Variants in MACROD2 observed in about 807,000 individuals in gnomAD.
The protein encoded by MACROD2 is mono-ADP ribosylhydrolase 2.
Under a neutral mutation model 70.4 loss-of-function variants are expected in MACROD2, and 36 were observed. That is an observed-to-expected ratio of 0.51 (90% CI 0.39 to 0.68). MACROD2 has a LOEUF of 0.68. Among genes scored for constraint, MACROD2 ranks in the 30% least tolerant of loss-of-function variants. MACROD2 has a pLI of 0.00. For synonymous variants in MACROD2, 172 were observed against 178.8 expected (o/e 0.96, Z 0.30); for missense variants, 496 against 538.4 (o/e 0.92, Z 0.78).
chr20:14,098,826 A>G (rs1014998779), intron 3 of MACROD2, among the ~76,000 whole-genome samples: 45 of 152,334 alleles, frequency 3.0e-4, no homozygotes, highest in African/African-American at 1.0e-3. Flanking sequence ...AAAAGTCATC[A>G]AAGTCAAAAG....
intron 2 of MACROD2, among the ~76,000 whole-genome samples, chr20:14,037,421 A>G (rs2148637066): frequency 6.6e-6 from 1 of 152,310 alleles, no homozygotes. Flanking sequence ...CCAATGTCCT[A>G]TTCAGTAATT....
At chr20:14,929,056 T>C (rs1691504520) in intron 5 of MACROD2, among the ~76,000 whole-genome samples, 2 of 152,172 alleles carry the variant, frequency 1.3e-5, no homozygotes, top group South Asian at 4.1e-4. Context: ...TTGCTGACTT[T>C]TTATATTTAT....
intron 5 of MACROD2, among the ~76,000 whole-genome samples, chr20:14,883,783 AC>A (rs150022307): frequency 0.025 from 3,765 of 152,086 alleles, 131 homozygotes; most frequent in African/African-American, 0.083. Context: ...AGAGAGGCTC[AC>A]TCTGTCTTCT....
At chr20:14,964,416 C>CA (rs1457825160) in intron 5 of MACROD2, among the ~76,000 whole-genome samples, 2 of 151,276 alleles carry the variant, frequency 1.3e-5, no homozygotes, top group African/African-American at 2.4e-5. Flanking sequence ...ACTAAAAATA[C>CA]AAAAAAATTA....
intron 8 of MACROD2, among the ~76,000 whole-genome samples, chr20:15,673,556 A>G (rs2050012047): frequency 6.6e-6 from 1 of 152,170 alleles, no homozygotes; most frequent in Non-Finnish European, 1.5e-5. Flanking sequence ...CTAGTTTATG[A>G]TGTATCCTGC....
intron 3 of MACROD2, among the ~76,000 whole-genome samples, chr20:14,086,590 G>C (rs1425265683): frequency 6.6e-6 from 1 of 152,166 alleles, no homozygotes; most frequent in Non-Finnish European, 1.5e-5. Flanking sequence ...CTGGTTCTGG[G>C]GAAGGGCTGT....
intron 5 of MACROD2, among the ~76,000 whole-genome samples, chr20:14,840,133 G>A (rs1424929867): frequency 6.6e-6 from 1 of 151,648 alleles, no homozygotes; most frequent in African/African-American, 2.4e-5. Context: ...TGCCTCCCAG[G>A]TTCAAGCAAT....
intron 8 of MACROD2, among the ~76,000 whole-genome samples, chr20:15,695,430 CAG>C (rs2050354733): frequency 6.9e-6 from 1 of 144,200 alleles, no homozygotes; most frequent in Non-Finnish European, 1.5e-5. Flanking sequence ...TTTTTGGAGA[CAG>C]AGTCTTGCTC....
At chr20:15,426,146 T>C (rs1336991840) in intron 6 of MACROD2, among the ~76,000 whole-genome samples, 1 of 151,300 alleles carries the variant, frequency 6.6e-6, no homozygotes, top group East Asian at 2.0e-4. Flanking sequence ...CCCTCCACTA[T>C]TGTCCTATGA....
rs143318015 is a variant in MACROD2, at chr20:15,460,073, G to A, written c.571+28638G>A. Among the ~76,000 whole-genome samples the A allele has an allele frequency of 1.1e-3, 165 of 152,204 alleles. No homozygotes were observed. In the Middle Eastern group the frequency reaches 0.041, roughly 38 times the overall value. ...TGATTCCCCTAGAGTGATGTTTTGG[G>A]TAACTACTGGAAAAAGACACGACTA... On this transcript the variant is annotated intron_variant, in intron 7 of 17. Coordinates refer to ENST00000684519, the MANE Select transcript of MACROD2 (RefSeq NM_001351661.2).
chr20:14,237,302 T>C (rs1394450894), intron 3 of MACROD2, among the ~76,000 whole-genome samples: 2 of 151,784 alleles, frequency 1.3e-5, no homozygotes, highest in Non-Finnish European at 2.9e-5. Context: ...CTGATGATTC[T>C]TTTTTTTGTT....
chr20:16,004,034 G>A (rs890777649), intron 15 of MACROD2, among the ~76,000 whole-genome samples: 1 of 152,086 alleles, frequency 6.6e-6, no homozygotes, highest in Non-Finnish European at 1.5e-5. Flanking sequence ...ACCACAGCTT[G>A]AGAACCACTG....
chr20:14,851,382 C>T (rs185849928), intron 5 of MACROD2, among the ~76,000 whole-genome samples: 96 of 152,212 alleles, frequency 6.3e-4, no homozygotes, highest in African/African-American at 2.0e-3. Flanking sequence ...AATATGAGGA[C>T]GGTTTCAAGA....
intron 8 of MACROD2, among the ~76,000 whole-genome samples, chr20:15,580,807 G>T (rs150941145): frequency 6.6e-6 from 1 of 152,150 alleles, no homozygotes; most frequent in Non-Finnish European, 1.5e-5. Context: ...CTTCTTAGGG[G>T]AAAGGGGAGG....
At chr20:14,839,835 G>A (rs77010143) in intron 5 of MACROD2, among the ~76,000 whole-genome samples, 2,673 of 152,098 alleles carry the variant, frequency 0.018, 70 homozygotes, top group African/African-American at 0.06. Context: ...TTTAGATTAG[G>A]TTTTACCAGA....
chr20:15,325,372 C>A (rs1444113110), intron 6 of MACROD2, among the ~76,000 whole-genome samples: 1 of 152,172 alleles, frequency 6.6e-6, no homozygotes, highest in Non-Finnish European at 1.5e-5. Context: ...TGAAACACAT[C>A]TGTGTTTGTT....
intron 5 of MACROD2, among the ~76,000 whole-genome samples, chr20:14,686,899 T>C (rs2071009464): frequency 6.6e-6 from 1 of 152,218 alleles, no homozygotes; most frequent in Non-Finnish European, 1.5e-5. Flanking sequence ...GCCAAATGGC[T>C]CTTCACTACT....
intron 6 of MACROD2, among the ~76,000 whole-genome samples, chr20:15,369,693 G>T (rs528825101): frequency 6.6e-6 from 1 of 152,034 alleles, no homozygotes; most frequent in African/African-American, 2.4e-5. Flanking sequence ...CAATATAAAC[G>T]GGACTTTTGC....
At chr20:14,165,527 A>G (rs2055255264) in intron 3 of MACROD2, among the ~76,000 whole-genome samples, 1 of 152,174 alleles carries the variant, frequency 6.6e-6, no homozygotes, top group South Asian at 2.1e-4. Flanking sequence ...TCTTTGTGGA[A>G]GAGAAGAGTA....
Sources: gnomAD v4.1 joint callset for allele counts (sites outside exome capture counted in the v4.1 genomes callset) on GRCh38, gnomAD v4.1.1 for gene constraint, MANE v1.5 for transcripts, NCBI Gene and HGNC (gene_info 2026-07-23, HGNC 2026-07-21) for gene names.